The following PPP4R3B variants were observed in gnomAD, a reference collection of about 807,000 sequenced individuals.
PPP4R3B encodes the protein serine/threonine-protein phosphatase 4 regulatory subunit 3B.
Under a neutral mutation model 95.4 loss-of-function variants are expected in PPP4R3B, and 52 were observed. The observed-to-expected ratio is 0.54, with a 90% CI of 0.44 to 0.69. PPP4R3B has a LOEUF of 0.69. Ranked by LOEUF, PPP4R3B falls within the 30% of genes least tolerant of loss-of-function variation. PPP4R3B has a pLI of 0.00. For synonymous variants in PPP4R3B, 407 were observed against 343.9 expected, an observed-to-expected ratio of 1.18 and a Z score of -2.03; for missense variants, 1,003 against 1,005.9, an observed-to-expected ratio of 1.00 and a Z score of 0.04.
At chr2:55,575,078 C>CA (rs1477245492) in intron 11 of PPP4R3B, among the ~76,000 whole-genome samples, 1 of 150,578 alleles carries the variant, frequency 6.6e-6, no homozygotes, top group Non-Finnish European at 1.5e-5. Context: ...GCTGGGACTA[C>CA]AGGCGCCCGC....
chr2:55,577,209 T>A (rs1688800494), intron 11 of PPP4R3B, 106 bp downstream of exon 11: 1 of 1,378,376 alleles, frequency 7.3e-7, no homozygotes, highest in Non-Finnish European at 9.5e-7. Flanking sequence ...GGATTTTGTT[T>A]TTATGCCAAA....
At chr2:55,610,203 C>T (rs1693975612) in intron 2 of PPP4R3B, among the ~76,000 whole-genome samples, 1 of 152,056 alleles carries the variant, frequency 6.6e-6, no homozygotes, top group Admixed American at 6.6e-5. Context: ...GTCCATTTAC[C>T]GTGGTGGAAT....
intron 12 of PPP4R3B, among the ~76,000 whole-genome samples, chr2:55,573,339 T>TA (rs1246546756): frequency 2.0e-5 from 3 of 152,074 alleles, no homozygotes; most frequent in Admixed American, 1.3e-4. Flanking sequence ...GAAGTAGATG[T>TA]AAAAAAACAG....
chr2:55,580,397 A>G (rs1375582357), intron 8 of PPP4R3B, among the ~76,000 whole-genome samples: 1 of 152,176 alleles, frequency 6.6e-6, no homozygotes, highest in Non-Finnish European at 1.5e-5. Context: ...AGTAACAAAG[A>G]AAGAAAATTC....
At chr2:55,577,415 C>A in intron 10 of PPP4R3B, 59 bp from the exon 11 acceptor site, 1 of 1,344,486 alleles carries the variant, frequency 7.4e-7, no homozygotes, top group Non-Finnish European at 9.7e-7. Context: ...CCAGATTTCC[C>A]TAGTACTTTA....
At chr2:55,608,679 A>T (rs926584474) in intron 2 of PPP4R3B, among the ~76,000 whole-genome samples, 17 of 152,188 alleles carry the variant, frequency 1.1e-4, no homozygotes, top group African/African-American at 3.1e-4. Context: ...ACTCTTCAAA[A>T]GCTTACTTTA....
chr2:55,552,194 GAAGT>G (rs1034599357), intron 16 of PPP4R3B, among the ~76,000 whole-genome samples: 5 of 152,126 alleles, frequency 3.3e-5, no homozygotes, highest in African/African-American at 1.2e-4. Flanking sequence ...TGAAATGTTG[GAAGT>G]AAAAAGGCCT....
chr2:55,594,705 C>A (rs1453583606), intron 4 of PPP4R3B, among the ~76,000 whole-genome samples: 2 of 152,166 alleles, frequency 1.3e-5, no homozygotes. Flanking sequence ...TCTGTCCAAT[C>A]TCCTAAGATT....
intron 12 of PPP4R3B, 85 bp downstream of exon 12, chr2:55,573,534 T>C (rs893217483): frequency 3.3e-6 from 4 of 1,220,640 alleles, no homozygotes; most frequent in East Asian, 2.7e-5. Flanking sequence ...TCATAGAATA[T>C]ACACTGCTAA....
At chr2:55,605,497 A>T (rs938203011) in intron 2 of PPP4R3B, among the ~76,000 whole-genome samples, 1 of 152,202 alleles carries the variant, frequency 6.6e-6, no homozygotes, top group African/African-American at 2.4e-5. Flanking sequence ...TTTTCTGTGT[A>T]ATCAGGTAAA....
At position 55,558,830 on chromosome 2, in the gene PPP4R3B, G is replaced by T; in HGVS notation, c.2399C>A (p.Ser800Tyr). The T allele has an allele frequency of 6.2e-7, 1 of 1,613,546 alleles. No individual in the cohort carries two copies. Among genetic ancestry groups the T allele is most frequent in the Non-Finnish European group, 8.5e-7 (1 of 1,179,674 alleles). The change falls in exon 16 of 17, where the codon TCT (serine) becomes TAT (tyrosine). Residue 800 changes from serine (S) to tyrosine (Y), a missense_variant. By Grantham distance (144) the Ser-to-Tyr change is moderately radical. This residue lies in a region of PPP4R3B where 229 missense variants were observed against 194.7 expected (regional missense o/e 1.18). Transcript: ENST00000616407. ...SVVAQIPPAT[S>Y]NGSSSKTTNL... Reference sequence around the variant, plus strand: ...TGTGGTTTTGGAAGAGGATCCATTAGAAGTTGCTGGTGGTATCTGAGCCAC... The same window carrying T: ...TGTGGTTTTGGAAGAGGATCCATTATAAGTTGCTGGTGGTATCTGAGCCAC...
intron 2 of PPP4R3B, 83 bp downstream of exon 2, chr2:55,615,368 G>T: frequency 1.0e-6 from 1 of 993,764 alleles, no homozygotes; most frequent in East Asian, 2.5e-5. Context: ...TTTCTTGTCA[G>T]GAAAGCTTTC....
Position 55,617,370 on chromosome 2 carries a change from G to T in PPP4R3B, c.-85C>A, listed in dbSNP as rs953485977. 7.2e-7 allele frequency: 1 copy of T among 1,384,738 alleles called. No homozygotes were observed. The highest frequency in any genetic ancestry group is 1.5e-5 in the African/African-American group (1 of 68,106). 85.8% of individuals were successfully genotyped at this position (1,384,738 alleles called of 1,614,324 possible). A position where few individuals can be genotyped will look rare whatever the true frequency, so the allele number is the denominator to read the frequency against. On this transcript the variant is annotated 5_prime_UTR_variant, in exon 1 of 17. It adds an upstream start codon to the 5' untranslated region. Coordinates refer to ENST00000616407, the MANE Select transcript of PPP4R3B (RefSeq NM_001122964.3). ...TCACTCTTAGGAGACGGTAAAGGCA[G>T]TAGTGGCGGTGGCGGCGGCGGCGGC...
At chr2:55,565,520 C>T (rs1377144895) in intron 13 of PPP4R3B, among the ~76,000 whole-genome samples, 2 of 152,072 alleles carry the variant, frequency 1.3e-5, no homozygotes, top group Non-Finnish European at 2.9e-5. Context: ...TTTCAAAATA[C>T]TCACGGTGAT....
chr2:55,572,501 A>C (rs2104060393), intron 12 of PPP4R3B, among the ~76,000 whole-genome samples: 1 of 152,310 alleles, frequency 6.6e-6, no homozygotes, highest in Admixed American at 6.5e-5. Flanking sequence ...GGAAAATGCA[A>C]ATTAGAATAA....
intron 15 of PPP4R3B, among the ~76,000 whole-genome samples, chr2:55,564,109 G>GC (rs1686977232): frequency 6.6e-6 from 1 of 152,146 alleles, no homozygotes; most frequent in South Asian, 2.1e-4. Context: ...TTACAAAATA[G>GC]CAAGTTTGAA....
In PPP4R3B at chr2:55,558,965, T is replaced by C. The variant is rs1216864293; in HGVS notation, c.2264A>G (p.Lys755Arg). 6 of 1,604,066 alleles carry C rather than the reference T, an allele frequency of 3.7e-6. No individual in the cohort carries two copies. Among genetic ancestry groups the C allele is most frequent in the Non-Finnish European group, 5.1e-6 (6 of 1,176,540 alleles). ...YEKFMETKKA[K>R]ESEDKENLPK... Reference sequence around the variant, plus strand: ...AAGGTTTTCCTTGTCTTCACTTTCTTTTGCTAAAGCAAAAGTAAAATTTTG... The same window carrying C: ...AAGGTTTTCCTTGTCTTCACTTTCTCTTGCTAAAGCAAAAGTAAAATTTTG... The change falls in exon 16 of 17, where the codon AAA (lysine) becomes AGA (arginine). Residue 755 changes from lysine (K) to arginine (R), a missense_variant. By Grantham distance (26) the Lys-to-Arg change is conservative. This residue lies in a region of PPP4R3B where 229 missense variants were observed against 194.7 expected (regional missense o/e 1.18). Transcript: ENST00000616407.
At chr2:55,603,158 A>C (rs1692875300) in intron 3 of PPP4R3B, among the ~76,000 whole-genome samples, 1 of 152,048 alleles carries the variant, frequency 6.6e-6, no homozygotes, top group African/African-American at 2.4e-5. Flanking sequence ...CCACCATGTT[A>C]GCCAGGGTGG....
chr2:55,558,370 G>C (rs988204739), intron 16 of PPP4R3B, among the ~76,000 whole-genome samples: 1 of 152,162 alleles, frequency 6.6e-6, no homozygotes, highest in Non-Finnish European at 1.5e-5. Context: ...TTCTCTTTGA[G>C]AGGCCGAGGT....
Sources: allele counts gnomAD v4.1 joint callset (sites outside exome capture counted in the v4.1 genomes callset), GRCh38; gene constraint gnomAD v4.1.1; regional missense constraint gnomAD v4.1.1; transcripts MANE v1.5; gene names NCBI Gene and HGNC (gene_info 2026-07-23, HGNC 2026-07-21).